The following GPATCH8 variants were observed in gnomAD, a reference collection of about 807,000 sequenced individuals.
GPATCH8 encodes G-patch domain containing 8.
GPATCH8 carries 18 observed loss-of-function variants against 118.3 expected under a neutral mutation model. The ratio of observed to expected loss-of-function variants is 0.15; its 90% CI spans 0.11 to 0.23. The LOEUF (loss-of-function observed/expected upper bound fraction) is 0.23, where lower values mean the gene tolerates loss of function less well. GPATCH8 is among the 10% of genes least tolerant of loss of function. GPATCH8 has a pLI of 1.00. For missense variants in GPATCH8, 1,631 were observed against 1,873.8 expected (o/e 0.87, Z 2.39); for synonymous variants, 659 against 684.7 (o/e 0.96, Z 0.59).
chr17:44,477,137 T>C (rs908794020), intron 1 of GPATCH8, among the ~76,000 whole-genome samples: 4 of 152,210 alleles, frequency 2.6e-5, no homozygotes, highest in African/African-American at 9.6e-5. Context: ...AAAATTCTAA[T>C]TCAATAAATA....
intron 6 of GPATCH8, among the ~76,000 whole-genome samples, chr17:44,423,109 C>A (rs889248606): frequency 6.6e-6 from 1 of 151,984 alleles, no homozygotes; most frequent in Non-Finnish European, 1.5e-5. Context: ...GGCATGGTGG[C>A]AGGCACCTGT....
intron 3 of GPATCH8, among the ~76,000 whole-genome samples, chr17:44,449,602 C>T (rs9896740): frequency 0.5 from 75,532 of 151,258 alleles, 20,556 homozygotes; most frequent in Middle Eastern, 0.62. Flanking sequence ...CCGCAACCTC[C>T]GCCTCCCAGG....
intron 1 of GPATCH8, among the ~76,000 whole-genome samples, chr17:44,498,444 T>C (rs1969824028): frequency 6.6e-6 from 1 of 152,220 alleles, no homozygotes; most frequent in Non-Finnish European, 1.5e-5. Context: ...GAGATGTCCT[T>C]GATATGTCCC....
At chr17:44,497,795 C>T (rs1050076844) in intron 1 of GPATCH8, among the ~76,000 whole-genome samples, 8 of 151,770 alleles carry the variant, frequency 5.3e-5, no homozygotes, top group Non-Finnish European at 8.8e-5. Flanking sequence ...CAAAACTTAG[C>T]CAGTCATGGT....
chr17:44,464,530 G>C lies in GPATCH8; in HGVS notation c.135C>G (p.His45Gln). 6.3e-7 allele frequency: 1 copy of C among 1,597,330 alleles called. No individual in the cohort carries two copies. Among genetic ancestry groups the C allele is most frequent in the Non-Finnish European group, 8.6e-7 (1 of 1,166,152 alleles). ...TCCACCCATGTTTCTGGAGTAAGCG[G>C]TGTCCAATATTATCCTGACAGACAG... ...DKPIESDNIGHRLLQKHGWKL... is the reference protein window; with the variant it reads ...DKPIESDNIGQRLLQKHGWKL... Residue 45 changes from histidine (H) to glutamine (Q), a missense_variant, in exon 3 of 8, where the codon CAC (histidine) becomes CAG (glutamine). Around this residue, in one of 8 missense-constraint regions of GPATCH8, gnomAD observed 81 missense variants for 227.6 expected, o/e 0.36. Coordinates refer to ENST00000591680, the MANE Select transcript of GPATCH8 (RefSeq NM_001002909.4).
At chr17:44,491,588 T>A (rs1482946688) in intron 1 of GPATCH8, among the ~76,000 whole-genome samples, 4 of 152,114 alleles carry the variant, frequency 2.6e-5, no homozygotes, top group African/African-American at 9.7e-5. Context: ...GCATGGTGGC[T>A]TATACTTGTA....
chr17:44,482,458 CAGCTA>C (rs958761706), intron 1 of GPATCH8, among the ~76,000 whole-genome samples: 1 of 151,022 alleles, frequency 6.6e-6, no homozygotes, highest in Admixed American at 6.6e-5. Context: ...CCTGTAATCT[CAGCTA>C]CTCAGAAGGT....
chr17:44,419,725 A>G (rs2049825172), intron 6 of GPATCH8, among the ~76,000 whole-genome samples: 1 of 151,666 alleles, frequency 6.6e-6, no homozygotes, highest in Admixed American at 6.6e-5. Flanking sequence ...CAGTGGCACG[A>G]GCATAGCTCA....
intron 6 of GPATCH8, among the ~76,000 whole-genome samples, chr17:44,408,650 C>G (rs1380820313): frequency 6.6e-6 from 1 of 152,136 alleles, no homozygotes; most frequent in African/African-American, 2.4e-5. Context: ...TATGGAGTCC[C>G]CAGGGTGAGT....
chr17:44,455,724 T>G (rs1029135186), intron 3 of GPATCH8, among the ~76,000 whole-genome samples: 5 of 152,142 alleles, frequency 3.3e-5, no homozygotes, highest in Admixed American at 3.3e-4. Context: ...TCTATGTCAC[T>G]ATAATATTAA....
chr17:44,410,413 C>T (rs1412495278), intron 6 of GPATCH8, among the ~76,000 whole-genome samples: 1 of 152,174 alleles, frequency 6.6e-6, no homozygotes, highest in Non-Finnish European at 1.5e-5. Context: ...AAATTCCATA[C>T]CATACACAAA....
In GPATCH8 at chr17:44,397,448, C is replaced by G. The variant is rs889136557; in HGVS notation, c.*120G>C. 1 of 759,626 alleles carries G rather than the reference C, an allele frequency of 1.3e-6. No individual in the cohort carries two copies. Among genetic ancestry groups the G allele is most frequent in the African/African-American group, 1.7e-5 (1 of 58,208 alleles). 47.1% of individuals were successfully genotyped at this position (759,626 alleles called of 1,614,324 possible). A position where few individuals can be genotyped will look rare whatever the true frequency, so the allele number is the denominator to read the frequency against. ...CACCCCTGCAAGCCAAAACTCAATTCTTTGGCTGTCAGACACTGCCCATCC... is the reference window on the plus strand; with the variant it reads ...CACCCCTGCAAGCCAAAACTCAATTGTTTGGCTGTCAGACACTGCCCATCC... On this transcript the variant is annotated 3_prime_UTR_variant, in exon 8 of 8. Coordinates refer to ENST00000591680, the MANE Select transcript of GPATCH8 (RefSeq NM_001002909.4).
chr17:44,464,562 G>A lies in GPATCH8; in HGVS notation c.121-18C>T, dbSNP rs1468803782. On this transcript the variant is annotated intron_variant, in intron 2 of 7. Transcript: ENST00000591680. ...ATATTATCCTGACAGACAGAACAGA[G>A]AGACAAACCAAAAATATTCCAATAA... The A allele has an allele frequency of 1.4e-6, 2 of 1,431,762 alleles. No individual in the cohort carries two copies. Among genetic ancestry groups the A allele is most frequent in the Non-Finnish European group, 2.0e-6 (2 of 1,015,068 alleles). The allele number at this position is 1,431,762 out of a possible 1,614,324, so 88.7% of individuals were successfully genotyped here.
At chr17:44,469,784 A>G (rs1364916178) in intron 2 of GPATCH8, among the ~76,000 whole-genome samples, 1 of 152,210 alleles carries the variant, frequency 6.6e-6, no homozygotes, top group Non-Finnish European at 1.5e-5. Context: ...TAGAGAGAAA[A>G]GCCATATAGT....
chr17:44,401,406 T>C lies in GPATCH8; in HGVS notation c.671A>G (p.Asp224Gly). Residue 224 changes from aspartate to glycine, a missense_variant, in exon 8 of 8, where the codon GAT becomes GGT. This residue lies in a region of GPATCH8 where 405 missense variants were observed against 462.7 expected (regional missense o/e 0.88). Transcript: ENST00000591680. ...PMFKPTTVAV[D>G]EEGGEDDKDE... is the part of the protein sequence containing the mutation. ...TTTATCATCTTCTCCACCTTCTTCA[T>C]CTACAGCCACTGTGGTTGGTTTGAA... is the stretch of plus-strand genomic sequence containing the variant. 3 of 1,613,436 alleles carry C rather than the reference T, an allele frequency of 1.9e-6. No individual in the cohort carries two copies. The highest frequency in any genetic ancestry group is 2.5e-6 in the Non-Finnish European group (3 of 1,179,338).
chr17:44,399,528 G>A lies in GPATCH8; in HGVS notation c.2549C>T (p.Ser850Phe). The change falls in exon 8 of 8, where the codon TCC (serine) becomes TTC (phenylalanine). Residue 850 changes from serine to phenylalanine, a missense_variant. Physicochemically the swap from Ser to Phe is radical, Grantham distance 155 (BLOSUM62 -2). This residue lies in a region of GPATCH8 where 922 missense variants were observed against 879.7 expected (regional missense o/e 1.05). Transcript: ENST00000591680. ...EEEEDSGSEHSRSRSRSGRRH... is the reference protein window; with the variant it reads ...EEEEDSGSEHFRSRSRSGRRH... The stretch of plus-strand genomic sequence containing the variant: ...CCGGCCAGACCTTGAGCGGCTGCGG[G>A]AATGCTCACTGCCTGAATCTTCCTC... 6.2e-7 allele frequency: 1 copy of A among 1,614,220 alleles called. No homozygotes were observed. The highest frequency in any genetic ancestry group is 1.1e-5 in the South Asian group (1 of 91,084).
intron 3 of GPATCH8, among the ~76,000 whole-genome samples, chr17:44,440,814 T>TA (rs1243341775): frequency 6.6e-6 from 1 of 152,192 alleles, no homozygotes; most frequent in Non-Finnish European, 1.5e-5. Context: ...CCTAAAGACT[T>TA]AAACTACAGA....
At chr17:44,457,012 A>G (rs1004568175) in intron 3 of GPATCH8, among the ~76,000 whole-genome samples, 1 of 151,880 alleles carries the variant, frequency 6.6e-6, no homozygotes. Flanking sequence ...ACAGGCACGC[A>G]CCACCACACC....
intron 3 of GPATCH8, among the ~76,000 whole-genome samples, chr17:44,455,205 A>T (rs2051281261): frequency 6.6e-6 from 1 of 152,116 alleles, no homozygotes; most frequent in African/African-American, 2.4e-5. Context: ...AAAACTTTCC[A>T]TTTATAAAAT....
Sources: allele counts gnomAD v4.1 joint callset (sites outside exome capture counted in the v4.1 genomes callset), GRCh38; gene constraint gnomAD v4.1.1; regional missense constraint gnomAD v4.1.1; transcripts MANE v1.5; gene names NCBI Gene and HGNC (gene_info 2026-07-23, HGNC 2026-07-21).